The following HDAC8 variants were observed in gnomAD, a reference collection of about 807,000 sequenced individuals.
HDAC8 encodes histone deacetylase 8, also known as histone deacetylase-like 1.
Under a neutral mutation model 32.2 loss-of-function variants are expected in HDAC8, and 1 was observed. The ratio of observed to expected loss-of-function variants is 0.03; its 90% CI spans 0.01 to 0.15. HDAC8 has a LOEUF of 0.15. HDAC8 is among the 10% of genes least tolerant of loss of function. The pLI is 1.00. For missense variants in HDAC8, 117 were observed against 300.0 expected (o/e 0.39, Z 4.51); for synonymous variants, 108 against 113.9 (o/e 0.95, Z 0.33).
At chrX:72,416,035 C>T (rs1602739717) in intron 9 of HDAC8, among the ~76,000 whole-genome samples, 1 of 111,329 alleles carries the variant, frequency 9.0e-6, no homozygotes, top group African/African-American at 3.3e-5. Flanking sequence ...CAGGATAATA[C>T]TAGCTTAATA....
intron 9 of HDAC8, among the ~76,000 whole-genome samples, chrX:72,456,083 A>G (rs1569311929): frequency 8.9e-6 from 1 of 112,061 alleles, no homozygotes; most frequent in Non-Finnish European, 1.9e-5. Context: ...ATATTTTTAA[A>G]AAAACAACAT....
intron 10 of HDAC8, among the ~76,000 whole-genome samples, chrX:72,350,148 AT>A (rs1555948306): frequency 9.0e-6 from 1 of 110,811 alleles, no homozygotes; most frequent in African/African-American, 3.3e-5. Flanking sequence ...AGGGAGGAGG[AT>A]TTTGTTAGGA....
chrX:72,558,297 C>T (rs2051353947), intron 4 of HDAC8, among the ~76,000 whole-genome samples: 1 of 111,579 alleles, frequency 9.0e-6, no homozygotes, highest in Non-Finnish European at 1.9e-5. Context: ...AAAAAGAAAA[C>T]TACAGACCAA....
intron 9 of HDAC8, among the ~76,000 whole-genome samples, chrX:72,450,086 T>C (rs1555986845): frequency 1.8e-5 from 2 of 112,516 alleles, no homozygotes; most frequent in African/African-American, 6.5e-5. Context: ...AGGAATGAAC[T>C]ATTAATGTAT....
intron 4 of HDAC8, among the ~76,000 whole-genome samples, chrX:72,558,174 G>A (rs1413120589): frequency 8.9e-6 from 1 of 112,058 alleles, no homozygotes; most frequent in Non-Finnish European, 1.9e-5. Flanking sequence ...AAGAAGAATT[G>A]ATACCAATCT....
At chrX:72,501,826 A>G (rs1239137568) in intron 4 of HDAC8, among the ~76,000 whole-genome samples, 2 of 112,438 alleles carry the variant, frequency 1.8e-5, no homozygotes, top group South Asian at 3.7e-4. Flanking sequence ...TCAACAGAGT[A>G]AACAGACAAC....
In HDAC8 at chrX:72,548,516, C is replaced by T. The variant is rs921409915; in HGVS notation, c.437+19373G>A. Among the ~76,000 whole-genome samples, 5 of 111,197 alleles carry T rather than the reference C, an allele frequency of 4.5e-5. No homozygotes were observed. In the East Asian group the frequency reaches 1.4e-3, roughly 31 times the overall value. ...TTTCTGCCTTTTTATTTTATATTGC[C>T]CTACTTTTAAAAATGTTGTTCTGGC... On this transcript the variant is annotated intron_variant, in intron 4 of 10. Coordinates refer to ENST00000373573, the MANE Select transcript of HDAC8 (RefSeq NM_018486.3).
chrX:72,526,264 G>A (rs941775485), intron 4 of HDAC8, among the ~76,000 whole-genome samples: 1 of 110,299 alleles, frequency 9.1e-6, no homozygotes, highest in African/African-American at 3.3e-5. Flanking sequence ...CTTTTGCCTG[G>A]AATGCTCTAC....
intron 10 of HDAC8, among the ~76,000 whole-genome samples, chrX:72,346,920 G>T (rs1431823754): frequency 9.0e-6 from 1 of 111,706 alleles, no homozygotes; most frequent in Non-Finnish European, 1.9e-5. Flanking sequence ...TGTGAGGTAG[G>T]AGGGTTTACT....
intron 10 of HDAC8, 121 bp from the exon 11 acceptor site, chrX:72,330,197 C>A: frequency 1.9e-6 from 1 of 524,247 alleles, no homozygotes; most frequent in South Asian, 3.4e-5. Context: ...CTCTTGGGAA[C>A]TCTGTGACCT....
At chrX:72,440,606 G>A (rs926744270) in intron 9 of HDAC8, among the ~76,000 whole-genome samples, 2 of 111,966 alleles carry the variant, frequency 1.8e-5, no homozygotes, top group South Asian at 3.7e-4. Context: ...CGTGAGCGAC[G>A]CAGAAGACGG....
At chrX:72,539,236 T>TTATG (rs1429729637) in intron 4 of HDAC8, among the ~76,000 whole-genome samples, 2 of 110,827 alleles carry the variant, frequency 1.8e-5, no homozygotes, top group Admixed American at 9.6e-5. Flanking sequence ...ATTTATTTAT[T>TTATG]TATGTATTTA....
At chrX:72,453,460 AAAATAAAG>A (rs2047628466) in intron 9 of HDAC8, among the ~76,000 whole-genome samples, 1 of 43,500 alleles carries the variant, frequency 2.3e-5, no homozygotes, top group East Asian at 4.9e-4. Flanking sequence ...CTGTCTCTTA[AAAATAAAG>A]AAAGAAAGAA....
At chrX:72,534,283 G>T (rs62613003) in intron 4 of HDAC8, among the ~76,000 whole-genome samples, 1 of 103,027 alleles carries the variant, frequency 9.7e-6, no homozygotes, top group South Asian at 4.2e-4. Flanking sequence ...AATAAAATAC[G>T]TAGCTATATA....
intron 9 of HDAC8, among the ~76,000 whole-genome samples, chrX:72,426,703 G>T (rs1333769671): frequency 9.0e-6 from 1 of 110,587 alleles, no homozygotes; most frequent in Non-Finnish European, 1.9e-5. Context: ...TATAAACAGT[G>T]AGTATGGCTG....
intron 9 of HDAC8, among the ~76,000 whole-genome samples, chrX:72,460,620 A>G (rs1380539433): frequency 1.8e-5 from 2 of 112,004 alleles, no homozygotes; most frequent in Non-Finnish European, 3.8e-5. Context: ...GGCGATATTC[A>G]TCTTTATTAA....
intron 4 of HDAC8, among the ~76,000 whole-genome samples, chrX:72,561,121 C>G (rs782760246): frequency 2.7e-5 from 3 of 111,713 alleles, no homozygotes; most frequent in Non-Finnish European, 5.6e-5. Flanking sequence ...ACCATACTGC[C>G]GAAAGCAATC....
At chrX:72,557,032 T>C (rs2051307293) in intron 4 of HDAC8, among the ~76,000 whole-genome samples, 1 of 111,463 alleles carries the variant, frequency 9.0e-6, no homozygotes, top group Non-Finnish European at 1.9e-5. Flanking sequence ...CTGGCTAACA[T>C]GGTAAAACCC....
At chrX:72,560,952 G>A (rs1398203906) in intron 4 of HDAC8, among the ~76,000 whole-genome samples, 1 of 110,020 alleles carries the variant, frequency 9.1e-6, no homozygotes, top group African/African-American at 3.3e-5. Flanking sequence ...ATTGAATGTA[G>A]TTTACTAATA....
Sources: allele counts gnomAD v4.1 joint callset (sites outside exome capture counted in the v4.1 genomes callset), GRCh38; gene constraint gnomAD v4.1.1; transcripts MANE v1.5; gene names NCBI Gene and HGNC (gene_info 2026-07-23, HGNC 2026-07-21).